The following ARHGAP39 variants were observed in gnomAD, a reference collection of about 807,000 sequenced individuals.
ARHGAP39 encodes the protein Rho GTPase activating protein 39, also known as rho GTPase-activating protein 39.
ARHGAP39 carries 44 observed loss-of-function variants against 106.9 expected under a neutral mutation model. The ratio of observed to expected loss-of-function variants is 0.41; its 90% CI spans 0.32 to 0.53. ARHGAP39 has a LOEUF of 0.53. Ranked by LOEUF, ARHGAP39 falls within the 20% of genes least tolerant of loss-of-function variation. ARHGAP39 has a pLI of 0.21. For missense variants in ARHGAP39, 1,496 were observed against 1,577.3 expected (o/e 0.95, Z 0.87); for synonymous variants, 768 against 693.2 (o/e 1.11, Z -1.69).
At chr8:144,690,596 T>C (rs1321053814), upstream of ARHGAP39, among the ~76,000 whole-genome samples, 1 of 152,086 alleles carries the variant, frequency 6.6e-6, no homozygotes, top group Non-Finnish European at 1.5e-5. Flanking sequence ...ACTTATTTGC[T>C]CTACTTATAT....
At chr8:144,657,268 TGAAAAA>T (rs894671552) in intron 1 of ARHGAP39, among the ~76,000 whole-genome samples, 9 of 147,380 alleles carry the variant, frequency 6.1e-5, no homozygotes, top group African/African-American at 1.8e-4. Flanking sequence ...AAAAAGGAAA[TGAAAAA>T]GAAAAAGAAA....
At chr8:144,681,056 C>T (rs537613295) in intron 1 of ARHGAP39, among the ~76,000 whole-genome samples, 4 of 152,192 alleles carry the variant, frequency 2.6e-5, no homozygotes, top group South Asian at 2.1e-4. Context: ...GAGGAGTTGG[C>T]GTGCAGACCA....
At chr8:144,693,801 G>C in the ARHGAP39 span, among the ~76,000 whole-genome samples, 1 of 152,220 alleles carries the variant, frequency 6.6e-6, no homozygotes. Context: ...AAATGGAAAA[G>C]GAATGTCCCT....
chr8:144,537,352 G>A (rs1816998842), intron 7 of ARHGAP39, among the ~76,000 whole-genome samples: 1 of 151,946 alleles, frequency 6.6e-6, no homozygotes, highest in South Asian at 2.1e-4. Context: ...AGGGGTGCTT[G>A]TCTGCAGGGC....
At chr8:144,600,444 G>A (rs1367770434) in intron 2 of ARHGAP39, among the ~76,000 whole-genome samples, 1 of 148,374 alleles carries the variant, frequency 6.7e-6, no homozygotes, top group Non-Finnish European at 1.5e-5. Flanking sequence ...GTGGAGGCGT[G>A]CATGTGCACT....
intron 1 of ARHGAP39, among the ~76,000 whole-genome samples, chr8:144,626,682 C>T (rs1228709044): frequency 6.6e-6 from 1 of 152,264 alleles, no homozygotes; most frequent in Non-Finnish European, 1.5e-5. Flanking sequence ...CTTCCTGAGT[C>T]CTGACCTCCC....
intron 1 of ARHGAP39, among the ~76,000 whole-genome samples, chr8:144,661,139 T>C (rs1239804173): frequency 6.6e-6 from 1 of 152,124 alleles, no homozygotes; most frequent in Non-Finnish European, 1.5e-5. Flanking sequence ...CATGCAGTCC[T>C]ACACAGGGTC....
chr8:144,662,314 C>T (rs1273927868), intron 1 of ARHGAP39, among the ~76,000 whole-genome samples: 2 of 150,100 alleles, frequency 1.3e-5, no homozygotes. Context: ...TTGGACCACT[C>T]CCCCTCCCTA....
intron 1 of ARHGAP39, among the ~76,000 whole-genome samples, chr8:144,685,244 CA>C (rs1267617975): frequency 4.9e-5 from 7 of 143,146 alleles, no homozygotes; most frequent in Non-Finnish European, 7.8e-5. Context: ...CCACCGTGGA[CA>C]GGGGCACACT....
chr8:144,653,020 G>A (rs112054644), intron 1 of ARHGAP39, among the ~76,000 whole-genome samples: 13 of 152,246 alleles, frequency 8.5e-5, no homozygotes, highest in South Asian at 4.1e-4. Flanking sequence ...ATATGAGGCC[G>A]GGCGCAGTGG....
Position 144,547,062 on chromosome 8 carries a change from C to A in ARHGAP39, c.1959+65G>T, listed in dbSNP as rs540178767. Reference sequence around the variant, plus strand: ...CGCCAGGTCTCCTGTGCCTGGCCCACGGGGTCCACTCTGACTGGGCTGGCC... The same window carrying A: ...CGCCAGGTCTCCTGTGCCTGGCCCAAGGGGTCCACTCTGACTGGGCTGGCC... On this transcript the variant is annotated intron_variant, in intron 5 of 11. Transcript: ENST00000377307. The surrounding 1 kb of genome is among the most constrained non-coding windows in gnomAD (Gnocchi z 5.2). 5 of 1,472,160 alleles carry A rather than the reference C, an allele frequency of 3.4e-6. No homozygotes were observed. Among genetic ancestry groups the A allele is most frequent in the African/African-American group, 1.4e-5 (1 of 70,442 alleles). 91.2% of individuals were successfully genotyped at this position (1,472,160 alleles called of 1,614,324 possible).
chr8:144,546,144 CCT>C (rs1335046347), intron 5 of ARHGAP39, among the ~76,000 whole-genome samples: 3 of 152,172 alleles, frequency 2.0e-5, no homozygotes, highest in Admixed American at 6.5e-5. Context: ...TCTGCCGCCC[CCT>C]GAGGAAGTGT....
At chr8:144,557,597 T>C (rs542270572) in intron 3 of ARHGAP39, among the ~76,000 whole-genome samples, 15 of 149,482 alleles carry the variant, frequency 1.0e-4, no homozygotes, top group African/African-American at 3.5e-4. Context: ...ACCTTCGTAG[T>C]ATTCAGAGGC....
intron 2 of ARHGAP39, among the ~76,000 whole-genome samples, chr8:144,602,971 G>C: frequency 7.2e-6 from 1 of 138,940 alleles, no homozygotes; most frequent in African/African-American, 2.9e-5. Context: ...GCGTGCGTGC[G>C]AGCTCGTGTA....
chr8:144,656,901 A>C (rs2129668429), intron 1 of ARHGAP39, among the ~76,000 whole-genome samples: 1 of 152,034 alleles, frequency 6.6e-6, no homozygotes, highest in East Asian at 1.9e-4. Flanking sequence ...AAAATGAGTT[A>C]ATTAGACGAA....
chr8:144,554,872 C>T (rs574419362), intron 4 of ARHGAP39, among the ~76,000 whole-genome samples: 4 of 152,350 alleles, frequency 2.6e-5, no homozygotes, highest in Non-Finnish European at 5.9e-5. Flanking sequence ...CTGTGCAGAA[C>T]GCCAGAGCCC....
intron 1 of ARHGAP39, chr8:144,605,965 C>A (rs994232535): frequency 5.9e-6 from 2 of 339,020 alleles, no homozygotes; most frequent in African/African-American, 4.2e-5. Context: ...ACCAGCCCCA[C>A]TCCACGATGG....
At chr8:144,700,075 GCT>G in the ARHGAP39 span, among the ~76,000 whole-genome samples, 1 of 152,152 alleles carries the variant, frequency 6.6e-6, no homozygotes, top group African/African-American at 2.4e-5. This position sits in a 1 kb window ranked among gnomAD's most constrained non-coding sequence, Gnocchi z 5.6. Context: ...CCCAACGGCC[GCT>G]CCCCGTTCCC....
At position 144,669,563 on chromosome 8, in the gene ARHGAP39, T is replaced by TAAAGAAAAA. The variant is rs1413956670; in HGVS notation, c.-82+16114_-82+16122dup. On this transcript the variant is annotated intron_variant, in intron 1 of 11. Coordinates refer to ENST00000377307, the MANE Select transcript of ARHGAP39 (RefSeq NM_025251.3). Reference sequence around the variant, plus strand: ...CCAAGGCCTTATGTACTGCAAAAAATAAAGAAAAAAAGAAAAAATAACCCA... The same window carrying TAAAGAAAAA: ...CCAAGGCCTTATGTACTGCAAAAAATAAAGAAAAAAAAGAAAAAAAGAAAAAATAACCCA... 3.7e-5 allele frequency among the ~76,000 whole-genome samples: 3 copies of TAAAGAAAAA among 81,276 alleles called. No homozygotes were observed. The East Asian group carries it at 1.2e-3, about 31-fold the overall frequency. The allele number at this position is 81,276 out of a possible 152,430, so 53.3% of individuals were successfully genotyped here. A position where few individuals can be genotyped will look rare whatever the true frequency, so the allele number is the denominator to read the frequency against.
Sources: allele counts gnomAD v4.1 joint callset (sites outside exome capture counted in the v4.1 genomes callset), GRCh38; gene constraint gnomAD v4.1.1; non-coding constraint Gnocchi (gnomAD v3.1); transcripts MANE v1.5; gene names NCBI Gene and HGNC (gene_info 2026-07-23, HGNC 2026-07-21).